CPNE3: variants seen among roughly 807,000 people sequenced by gnomAD.
CPNE3 encodes the protein copine-3.
CPNE3 carries 68 observed loss-of-function variants against 63.9 expected under a neutral mutation model. That is an observed-to-expected ratio of 1.06 (90% CI 0.87 to 1.30). The LOEUF is 1.30. Among genes scored for constraint, CPNE3 ranks in the 50% most tolerant of loss-of-function variants. The probability of loss-of-function intolerance (pLI) is 0.00; values close to 1 mark genes in which losing one functional copy is unlikely to be tolerated. For missense variants in CPNE3, 665 were observed against 578.1 expected, an observed-to-expected ratio of 1.15 and a Z score of -1.54; for synonymous variants, 219 against 197.5, an observed-to-expected ratio of 1.11 and a Z score of -0.91.
chr8:86,545,812 A>G (rs1821036474), intron 9 of CPNE3, among the ~76,000 whole-genome samples: 2 of 152,218 alleles, frequency 1.3e-5, no homozygotes, highest in South Asian at 4.1e-4. Flanking sequence ...ATTTGAAGGT[A>G]TAAGTTGGAG....
rs149662659 is a variant in CPNE3 at position 86,523,786 on chromosome 8, A to G, written c.-10-4750A>G. Among the ~76,000 whole-genome samples the G allele has an allele frequency of 2.1e-3, 314 of 152,248 alleles. 1 individual carries two copies. The highest frequency in any genetic ancestry group is 3.4e-3 in the Non-Finnish European group (233 of 68,014). Reference sequence around the variant, plus strand: ...TATTTAGTAGAGACAGGGTTTCACCATGTTGGCCAGGCTGAGTTCTTGAAC... The same window carrying G: ...TATTTAGTAGAGACAGGGTTTCACCGTGTTGGCCAGGCTGAGTTCTTGAAC... On this transcript the variant is annotated intron_variant, in intron 2 of 16. Transcript: ENST00000517490.
rs36073581 is a variant in CPNE3, at chr8:86,522,548, CTTTTTTTTTTTT to C, written c.-10-5970_-10-5959del. ...CAGCCATATTACCTGACGCCCGCTG[CTTTTTTTTTTTT>C]TTTTTTTTTTTTTTTTTAGTAGGGG... On this transcript the variant is annotated intron_variant, in intron 2 of 16. Transcript: ENST00000517490. Among the ~76,000 whole-genome samples the C allele has an allele frequency of 6.9e-3, 566 of 82,174 alleles. 5 individuals are homozygous for C. The highest frequency in any genetic ancestry group is 9.3e-3 in the Non-Finnish European group (433 of 46,548). The allele number at this position is 82,174 out of a possible 152,430, so 53.9% of individuals were successfully genotyped here.
intron 14 of CPNE3, among the ~76,000 whole-genome samples, chr8:86,552,900 C>A (rs1459921517): frequency 8.5e-6 from 1 of 117,160 alleles, no homozygotes; most frequent in Non-Finnish European, 1.7e-5. Flanking sequence ...AGTGCAATGG[C>A]ACGATCTTGG....
chr8:86,547,873 G>A, intron 11 of CPNE3, 103 bp downstream of exon 11: 1 of 683,682 alleles, frequency 1.5e-6, no homozygotes, highest in Non-Finnish European at 2.6e-6. Flanking sequence ...TTCACAATCT[G>A]TTTAGCATAG....
chr8:86,547,567 T>TTAA, intron 10 of CPNE3, 144 bp from the exon 11 acceptor site: 1 of 606,552 alleles, frequency 1.6e-6, no homozygotes, highest in Non-Finnish European at 2.9e-6. Flanking sequence ...GGAAGGGGTA[T>TTAA]CTTAAACCTG....
At chr8:86,527,946 A>ATTTTTTTTTTT (rs869225401) in intron 2 of CPNE3, among the ~76,000 whole-genome samples, 2,374 of 85,882 alleles carry the variant, frequency 0.028, 337 homozygotes, top group East Asian at 0.043. Context: ...GTAAAAAGAA[A>ATTTTTTTTTTT]TTTTTTTTTT....
At chr8:86,532,608 GGTT>G (rs771608404) in intron 6 of CPNE3, 28 bp downstream of exon 6, 3 of 1,573,798 alleles carry the variant, frequency 1.9e-6, no homozygotes, top group Admixed American at 1.9e-5. Context: ...ATTTCAAAAA[GGTT>G]GTCATGTTTT....
At position 86,538,940 on chromosome 8, in the gene CPNE3, C is replaced by A. The variant is rs144365146; in HGVS notation, c.543+1294C>A. Among the ~76,000 whole-genome samples, 344 of 152,282 alleles carry A rather than the reference C, an allele frequency of 2.3e-3. 4 individuals are homozygous for A. The highest frequency in any genetic ancestry group is 3.4e-3 in the Middle Eastern group (1 of 294). ...TATGAGACTGCATGAATTACATGTT[C>A]TCTAGCACTTCAACCAGTGGTTTTA... On this transcript the variant is annotated intron_variant, in intron 7 of 16. Transcript: ENST00000517490.
chr8:86,547,662 C>T (rs1186328886), intron 10 of CPNE3, 49 bp from the exon 11 acceptor site: 6 of 824,060 alleles, frequency 7.3e-6, no homozygotes, highest in Admixed American at 5.9e-5. Flanking sequence ...TTTTTTGCTT[C>T]TCTTGTATAG....
At chr8:86,556,052 A>T (rs765567917) in intron 15 of CPNE3, 50 bp from the exon 16 acceptor site, 2 of 845,110 alleles carry the variant, frequency 2.4e-6, no homozygotes, top group South Asian at 1.3e-5. Flanking sequence ...CAGAGATGCC[A>T]TTAGCCATTG....
chr8:86,550,989 A>G, intron 12 of CPNE3, 57 bp from the exon 13 acceptor site: 1 of 1,483,970 alleles, frequency 6.7e-7, no homozygotes, highest in Middle Eastern at 2.2e-4. Context: ...GTGGGCAAAG[A>G]TAAAGCTTTT....
rs1272500838 is a variant in CPNE3, at chr8:86,532,538, A to G, written c.417A>G (p.Arg139=). The change falls in exon 6 of 17, where the codon AGA becomes AGG. Residue 139 remains arginine (R), a synonymous_variant. Transcript: ENST00000517490. ...TISAEEIKDN[R]VVLFEMEARK... ...CAGCTGAAGAAATAAAAGATAATAG[A>G]GTGGTCTTGTTTGAAATGGAAGCCA... 5.6e-6 allele frequency: 9 copies of G among 1,613,010 alleles called. No individual in the cohort carries two copies. Among genetic ancestry groups the G allele is most frequent in the Non-Finnish European group, 6.8e-6 (8 of 1,179,560 alleles).
In CPNE3 at chr8:86,542,501, CATTT is replaced by C. The variant is rs567115541; in HGVS notation, c.633+2179_633+2182del. 1.9e-3 allele frequency among the ~76,000 whole-genome samples: 291 copies of C among 151,912 alleles called. 1 individual carries two copies. The highest frequency in any genetic ancestry group is 6.1e-3 in the African/African-American group (253 of 41,464). On this transcript the variant is annotated intron_variant, in intron 8 of 16. Coordinates refer to ENST00000517490, the MANE Select transcript of CPNE3 (RefSeq NM_003909.5). ...ATATGCCCATGTGTATATATGTATA[CATTT>C]ATTTATTTATTACACATATGTTTAT...
chr8:86,554,801 T>C (rs1431227420), intron 14 of CPNE3, 50 bp from the exon 15 acceptor site: 5 of 1,600,884 alleles, frequency 3.1e-6, no homozygotes, highest in Non-Finnish European at 4.3e-6. Context: ...AATAAACACA[T>C]TGTGCTTGAG....
intron 10 of CPNE3, 52 bp from the exon 11 acceptor site, chr8:86,547,659 C>T: frequency 1.0e-5 from 8 of 801,076 alleles, no homozygotes; most frequent in Admixed American, 8.4e-5. Flanking sequence ...GAGTTTTTTG[C>T]TTCTCTTGTA....
intron 5 of CPNE3, among the ~76,000 whole-genome samples, chr8:86,532,191 C>G (rs1820697921): frequency 6.6e-6 from 1 of 152,136 alleles, no homozygotes; most frequent in Admixed American, 6.5e-5. Context: ...TAGGGAACTT[C>G]AGTATTGTGT....
intron 14 of CPNE3, among the ~76,000 whole-genome samples, chr8:86,553,153 C>T (rs1291498478): frequency 1.3e-5 from 2 of 151,864 alleles, no homozygotes; most frequent in East Asian, 1.9e-4. Context: ...CATGAGCCAC[C>T]GTGCCCAGCC....
chr8:86,538,173 G>A (rs1820847790), intron 7 of CPNE3, among the ~76,000 whole-genome samples: 2 of 152,100 alleles, frequency 1.3e-5, no homozygotes, highest in East Asian at 1.9e-4. Flanking sequence ...TCAGGAGCTC[G>A]AGACCAGCCT....
At chr8:86,527,852 T>C (rs1028384174) in intron 2 of CPNE3, among the ~76,000 whole-genome samples, 1 of 151,686 alleles carries the variant, frequency 6.6e-6, no homozygotes, top group South Asian at 2.1e-4. Context: ...TAATCTGTTT[T>C]GTAGTATAAT....
Sources: gnomAD v4.1 joint callset for allele counts (sites outside exome capture counted in the v4.1 genomes callset) on GRCh38, gnomAD v4.1.1 for gene constraint, MANE v1.5 for transcripts, NCBI Gene and HGNC (gene_info 2026-07-23, HGNC 2026-07-21) for gene names.